The following SORCS2 variants were observed in gnomAD, a reference collection of about 807,000 sequenced individuals.
The protein encoded by SORCS2 is sortilin related VPS10 domain containing receptor 2.
In SORCS2, 100 loss-of-function variants were observed where a neutral mutation model predicts 141.6. The ratio of observed to expected loss-of-function variants is 0.71; its 90% CI spans 0.60 to 0.83. The LOEUF (loss-of-function observed/expected upper bound fraction) is 0.83, where lower values mean the gene tolerates loss of function less well. SORCS2 is among the 40% of genes least tolerant of loss of function. The pLI is 0.00. For missense variants in SORCS2, 1,646 were observed against 1,560.2 expected, an observed-to-expected ratio of 1.05 and a Z score of -0.93; for synonymous variants, 789 against 676.9, an observed-to-expected ratio of 1.17 and a Z score of -2.57.
intron 1 of SORCS2, among the ~76,000 whole-genome samples, chr4:7,355,904 G>T (rs898947955): frequency 6.6e-6 from 1 of 152,232 alleles, no homozygotes; most frequent in Non-Finnish European, 1.5e-5. Flanking sequence ...CCACTGGCAG[G>T]AGGCAAAGCT....
intron 1 of SORCS2, among the ~76,000 whole-genome samples, chr4:7,317,098 C>G (rs571959091): frequency 6.6e-6 from 1 of 152,254 alleles, no homozygotes; most frequent in East Asian, 1.9e-4. Flanking sequence ...CCCCAGTGTC[C>G]AGAAGCGTCA....
rs76631331 is a variant in SORCS2 at position 7,738,153 on chromosome 4, C to T, written c.3415+981C>T. Among the ~76,000 whole-genome samples, 98 of 152,356 alleles carry T rather than the reference C, an allele frequency of 6.4e-4. No homozygotes were observed. The East Asian group carries it at 0.012, about 19-fold the overall frequency. ...GCAGTCAGAGCATGATGCCATCCAG[C>T]GCAACAGGCACTATAGTTCTTTCTC... On this transcript the variant is annotated intron_variant, in intron 26 of 26. Transcript: ENST00000507866.
At chr4:7,224,448 C>T (rs1471619118) in intron 1 of SORCS2, among the ~76,000 whole-genome samples, 1 of 151,010 alleles carries the variant, frequency 6.6e-6, no homozygotes, top group Non-Finnish European at 1.5e-5. Context: ...CAAGTCGTGT[C>T]CTCTGGTCTC....
intron 2 of SORCS2, among the ~76,000 whole-genome samples, chr4:7,453,431 G>A (rs555796538): frequency 2.1e-5 from 3 of 140,564 alleles, no homozygotes; most frequent in East Asian, 2.3e-4. Flanking sequence ...GCTGTGTGTT[G>A]GGGTCAGGTG....
chr4:7,449,385 C>T (rs1425314546), intron 2 of SORCS2, among the ~76,000 whole-genome samples: 7 of 109,336 alleles, frequency 6.4e-5, no homozygotes, highest in Middle Eastern at 4.0e-3. Context: ...CTCCCTCCCT[C>T]CCTCCCAGCA....
At chr4:7,726,644 T>C in intron 20 of SORCS2, 136 bp from the exon 21 acceptor site, 4 of 1,131,928 alleles carry the variant, frequency 3.5e-6, no homozygotes, top group East Asian at 2.6e-5. Context: ...CACCACAGGA[T>C]GTCCATAATG....
intron 3 of SORCS2, among the ~76,000 whole-genome samples, chr4:7,633,821 T>TGG (rs1371884721): frequency 3.2e-5 from 4 of 124,220 alleles, no homozygotes; most frequent in African/African-American, 5.1e-5. Flanking sequence ...AACGGCCAGC[T>TGG]CCGTGTCCTG....
chr4:7,706,296 C>CTGGGCAGGGATGAGGCTGGGCTCT (rs1725448358), intron 14 of SORCS2, among the ~76,000 whole-genome samples: 6 of 15,668 alleles, frequency 3.8e-4, no homozygotes, highest in Non-Finnish European at 6.3e-4. Flanking sequence ...GGCTGGGCTC[C>CTGGGCAGGGATGAGGCTGGGCTCT]GTCTGGGCAG....
chr4:7,530,551 G>A (rs559712373), intron 2 of SORCS2, among the ~76,000 whole-genome samples: 1 of 152,322 alleles, frequency 6.6e-6, no homozygotes, highest in South Asian at 2.1e-4. Context: ...GATAGAGCAG[G>A]GGTGAGATGT....
chr4:7,653,224 C>A (rs1721548984), intron 4 of SORCS2, among the ~76,000 whole-genome samples: 2 of 152,230 alleles, frequency 1.3e-5, no homozygotes, highest in Non-Finnish European at 2.9e-5. Context: ...TCAGCCTTCA[C>A]TTCCAAAGCT....
chr4:7,674,804 A>AG (rs1553902591), intron 8 of SORCS2, among the ~76,000 whole-genome samples: 3,681 of 131,894 alleles, frequency 0.028, 79 homozygotes, highest in Middle Eastern at 0.054. Context: ...GTTATTGTAC[A>AG]GAAAAAAAAA....
At chr4:7,513,928 G>A (rs1469276609) in intron 2 of SORCS2, among the ~76,000 whole-genome samples, 2 of 152,178 alleles carry the variant, frequency 1.3e-5, no homozygotes, top group Admixed American at 6.5e-5. Context: ...GGCGGGTGAC[G>A]TGGTCGTGCA....
At chr4:7,288,702 T>C (rs1184214942) in intron 1 of SORCS2, among the ~76,000 whole-genome samples, 1 of 149,596 alleles carries the variant, frequency 6.7e-6, no homozygotes, top group East Asian at 2.0e-4. Context: ...TCCTGTGACC[T>C]CTTTAACCTT....
intron 1 of SORCS2, among the ~76,000 whole-genome samples, chr4:7,199,519 G>A (rs1322180500): frequency 3.3e-5 from 5 of 152,184 alleles, no homozygotes; most frequent in African/African-American, 1.2e-4. Context: ...TGAAGCAGGG[G>A]CTCCCTGAGC....
At chr4:7,407,358 A>T (rs1725030993) in intron 2 of SORCS2, among the ~76,000 whole-genome samples, 1 of 151,944 alleles carries the variant, frequency 6.6e-6, no homozygotes, top group East Asian at 1.9e-4. Context: ...TACTTGGGAG[A>T]TTCGTGTTGA....
intron 2 of SORCS2, among the ~76,000 whole-genome samples, chr4:7,472,181 G>A (rs371910524): frequency 1.3e-5 from 2 of 151,682 alleles, no homozygotes; most frequent in South Asian, 4.2e-4. Context: ...GGCACAGAGG[G>A]GCCTCAGACC....
intron 1 of SORCS2, among the ~76,000 whole-genome samples, chr4:7,231,003 T>TCCATAA (rs1236988659): frequency 2.0e-5 from 3 of 152,138 alleles, no homozygotes; most frequent in Admixed American, 6.5e-5. Flanking sequence ...TGTATCTATA[T>TCCATAA]CCATATCCAT....
intron 4 of SORCS2, among the ~76,000 whole-genome samples, chr4:7,650,767 C>CCAGCT (rs907056466): frequency 7.0e-6 from 1 of 143,248 alleles, no homozygotes; most frequent in African/African-American, 2.7e-5. Context: ...CCAGCCCAGC[C>CCAGCT]CAGCCCAGCC....
intron 2 of SORCS2, among the ~76,000 whole-genome samples, chr4:7,471,942 C>T (rs1260477274): frequency 6.6e-6 from 1 of 152,230 alleles, no homozygotes; most frequent in Non-Finnish European, 1.5e-5. Context: ...AGCCCTGTAG[C>T]CTAGTGGATT....
Sources: allele counts gnomAD v4.1 joint callset (sites outside exome capture counted in the v4.1 genomes callset), GRCh38; gene constraint gnomAD v4.1.1; transcripts MANE v1.5; gene names NCBI Gene and HGNC (gene_info 2026-07-23, HGNC 2026-07-21).